The following ABCB1 variants were observed in gnomAD, a reference collection of about 807,000 sequenced individuals.
ABCB1 encodes ATP-dependent translocase ABCB1.
ABCB1 carries 69 observed loss-of-function variants against 142.0 expected under a neutral mutation model. That is an observed-to-expected ratio of 0.49 (90% confidence interval 0.40 to 0.59). The LOEUF is 0.59. ABCB1 is among the 20% of genes least tolerant of loss of function. ABCB1 has a pLI of 0.00. For synonymous variants in ABCB1, 532 were observed against 539.2 expected (o/e 0.99, Z 0.18); for missense variants, 1,326 against 1,554.7 (o/e 0.85, Z 2.47).
Position 87,541,443 on chromosome 7 carries a change from GATC to G in ABCB1, c.2230_2232del (p.Asp744del), listed in dbSNP as rs756214997. Reference sequence around the variant, plus strand: ...TTACTATTCTGTCGTTTTGTTTCAGGATCATCAATTCTTGTAAAAACCTGTGAG... The same window carrying G: ...TTACTATTCTGTCGTTTTGTTTCAGGATCAATTCTTGTAAAAACCTGTGAG... On this transcript the variant is annotated inframe_deletion, in exon 18 of 28. Coordinates refer to ENST00000622132, the MANE Select transcript of ABCB1 (RefSeq NM_001348946.2). The G allele has an allele frequency of 6.2e-7, 1 of 1,607,378 alleles. No homozygotes were observed. Among genetic ancestry groups the G allele is most frequent in the African/African-American group, 1.3e-5 (1 of 74,860 alleles).
intron 1 of ABCB1, among the ~76,000 whole-genome samples, chr7:87,636,056 T>C (rs1167045905): frequency 6.6e-6 from 1 of 152,226 alleles, no homozygotes; most frequent in Non-Finnish European, 1.5e-5. Context: ...CATTCATATT[T>C]ATTTTTGTGA....
In ABCB1 at chr7:87,638,503, C is replaced by T. The variant is rs147854810; in HGVS notation, c.-330-37425G>A. ...GTCTTTGTGGGAAATCATTTAGTAA[C>T]GGAATCAATTCATTTAATAAATACT... is the stretch of plus-strand genomic sequence containing the variant. On this transcript the variant is annotated intron_variant, in intron 1 of 28. Coordinates refer to the ABCB1 transcript ENST00000265724. 1.4e-3 allele frequency among the ~76,000 whole-genome samples: 219 copies of T among 152,110 alleles called. 5 individuals are homozygous for T. Among genetic ancestry groups the T allele is most frequent in the Admixed American group, 9.0e-3 (137 of 15,274 alleles).
At chr7:87,608,923 G>A (rs975162229) in intron 1 of ABCB1, among the ~76,000 whole-genome samples, 25 of 152,130 alleles carry the variant, frequency 1.6e-4, no homozygotes, top group African/African-American at 5.8e-4. Flanking sequence ...TTTTAAATTT[G>A]TATTGGAAAC....
chr7:87,600,228 G>C (rs1228395213), intron 1 of ABCB1, 38 bp from the exon 2 acceptor site: 2 of 1,572,808 alleles, frequency 1.3e-6, no homozygotes, highest in Admixed American at 1.7e-5. Context: ...AAATGCATGA[G>C]CCTCAGGCGC....
At chr7:87,537,688 C>T (rs12668877) in intron 19 of ABCB1, among the ~76,000 whole-genome samples, 10,299 of 152,140 alleles carry the variant, frequency 0.068, 649 homozygotes, top group African/African-American at 0.16. Flanking sequence ...AAATGTAGCT[C>T]AGGGCAGTAT....
At chr7:87,694,003 G>A (rs200563629) in intron 1 of ABCB1, 2 of 1,605,512 alleles carry the variant, frequency 1.2e-6, no homozygotes, top group Non-Finnish European at 1.7e-6. Flanking sequence ...CTGCACGGGA[G>A]CATGGAATTG....
At chr7:87,677,214 T>C (rs1378822876) in intron 1 of ABCB1, among the ~76,000 whole-genome samples, 1 of 150,814 alleles carries the variant, frequency 6.6e-6, no homozygotes, top group African/African-American at 2.4e-5. Context: ...GTAGCCAAGA[T>C]ATTAAGACAA....
At chr7:87,628,648 C>A in intron 1 of ABCB1, 1 of 376,338 alleles carries the variant, frequency 2.7e-6, no homozygotes, top group Non-Finnish European at 4.6e-6. Flanking sequence ...CAAGGGCGAG[C>A]CGTCAGTCCC....
chr7:87,526,666 A>C (rs555846811), intron 21 of ABCB1, among the ~76,000 whole-genome samples: 17 of 152,306 alleles, frequency 1.1e-4, no homozygotes, highest in African/African-American at 3.8e-4. Flanking sequence ...TCTAATATCA[A>C]AAGAACTTTA....
intron 1 of ABCB1, among the ~76,000 whole-genome samples, chr7:87,666,635 G>A (rs550591832): frequency 1.3e-5 from 2 of 152,184 alleles, no homozygotes; most frequent in East Asian, 1.9e-4. Context: ...TTACATTTAG[G>A]TCTTTAATCC....
At chr7:87,682,014 T>C (rs1047830258) in intron 1 of ABCB1, among the ~76,000 whole-genome samples, 11 of 152,222 alleles carry the variant, frequency 7.2e-5, no homozygotes, top group African/African-American at 2.7e-4. Context: ...ACTAAGTTCA[T>C]TTAATATCTT....
intron 1 of ABCB1, among the ~76,000 whole-genome samples, chr7:87,661,121 A>T: frequency 6.6e-6 from 1 of 151,936 alleles, no homozygotes; most frequent in Non-Finnish European, 1.5e-5. Flanking sequence ...CATTTTTAAA[A>T]TTTTTAATTT....
intron 1 of ABCB1, among the ~76,000 whole-genome samples, chr7:87,673,707 A>T (rs757987313): frequency 1.9e-4 from 29 of 152,138 alleles, no homozygotes; most frequent in Admixed American, 1.7e-3. Context: ...ATTCTATGTC[A>T]CTCATTTCAG....
intron 4 of ABCB1, among the ~76,000 whole-genome samples, chr7:87,579,207 CT>C (rs906188536): frequency 5.9e-5 from 9 of 151,452 alleles, no homozygotes; most frequent in South Asian, 2.1e-4. Context: ...ATTCAGATGC[CT>C]TTTTTTTTCT....
At chr7:87,526,814 C>G (rs1222166659) in intron 21 of ABCB1, among the ~76,000 whole-genome samples, 2 of 152,142 alleles carry the variant, frequency 1.3e-5, no homozygotes, top group Non-Finnish European at 2.9e-5. Context: ...TGAGGCTTAT[C>G]TTTTCCCTTC....
chr7:87,514,553 G>T (rs148961077), intron 25 of ABCB1, among the ~76,000 whole-genome samples: 20 of 151,934 alleles, frequency 1.3e-4, no homozygotes, highest in African/African-American at 4.6e-4. Flanking sequence ...CAATGATTTT[G>T]TCTCATCCCC....
chr7:87,523,549 G>A (rs1039286300), intron 21 of ABCB1, among the ~76,000 whole-genome samples: 12 of 152,186 alleles, frequency 7.9e-5, no homozygotes, highest in African/African-American at 2.7e-4. Flanking sequence ...TCGAACTGGC[G>A]AGACAGAGAT....
At chr7:87,539,611 A>G (rs1816443735) in intron 18 of ABCB1, among the ~76,000 whole-genome samples, 1 of 152,218 alleles carries the variant, frequency 6.6e-6, no homozygotes, top group Admixed American at 6.5e-5. Context: ...TTGGAATCTT[A>G]ATCCAGATGC....
At chr7:87,589,457 T>C (rs979217684) in intron 3 of ABCB1, among the ~76,000 whole-genome samples, 1 of 151,884 alleles carries the variant, frequency 6.6e-6, no homozygotes, top group Non-Finnish European at 1.5e-5. Flanking sequence ...AAATGTAAAA[T>C]AGAAGTATAA....
Sources: gnomAD v4.1 joint callset for allele counts (sites outside exome capture counted in the v4.1 genomes callset) on GRCh38, gnomAD v4.1.1 for gene constraint, MANE v1.5 for transcripts, NCBI Gene and HGNC (gene_info 2026-07-23, HGNC 2026-07-21) for gene names.